The following AKR1C8 variants were observed in gnomAD, a reference collection of about 807,000 sequenced individuals.
The protein encoded by AKR1C8 is aldo-keto reductase family 1 member C-like protein 1.
At chr10:5,121,483 G>C in the AKR1C8 span, among the ~76,000 whole-genome samples, 1 of 151,988 alleles carries the variant, frequency 6.6e-6, no homozygotes, top group African/African-American at 2.4e-5. Context: ...TGAGAGTTGT[G>C]ACAGGCGAAG....
the AKR1C8 span, among the ~76,000 whole-genome samples, chr10:5,135,487 A>G: frequency 2.6e-5 from 4 of 152,028 alleles, no homozygotes; most frequent in African/African-American, 7.2e-5. Flanking sequence ...TTTTCTTACT[A>G]AAGTAAAATT....
chr10:5,179,630 T>C, the AKR1C8 span, among the ~76,000 whole-genome samples: 1 of 144,790 alleles, frequency 6.9e-6, no homozygotes, highest in African/African-American at 2.6e-5. Context: ...CAGACGTAGA[T>C]TTGGTCTTTT....
the AKR1C8 span, among the ~76,000 whole-genome samples, chr10:5,183,298 G>A: frequency 2.5e-3 from 376 of 152,184 alleles, 1 homozygote; most frequent in African/African-American, 8.6e-3. Context: ...TCCAGAGGTT[G>A]CTTTATTTGA....
the AKR1C8 span, among the ~76,000 whole-genome samples, chr10:5,142,918 T>TA: frequency 1.3e-5 from 2 of 152,048 alleles, no homozygotes; most frequent in Non-Finnish European, 2.9e-5. Context: ...ATTCCTTTTT[T>TA]AAAAAAATAC....
chr10:5,144,549 T>A, the AKR1C8 span, among the ~76,000 whole-genome samples: 6 of 151,306 alleles, frequency 4.0e-5, no homozygotes, highest in Non-Finnish European at 8.9e-5. Context: ...TTTTATTTCC[T>A]TGAGCAGTGG....
the AKR1C8 span, among the ~76,000 whole-genome samples, chr10:5,141,060 C>T: frequency 1.3e-5 from 2 of 152,118 alleles, no homozygotes; most frequent in Admixed American, 6.6e-5. Context: ...AAGTTGAAGT[C>T]AATTCTCTGT....
chr10:5,121,830 A>C, the AKR1C8 span, among the ~76,000 whole-genome samples: 3 of 152,248 alleles, frequency 2.0e-5, no homozygotes, highest in Middle Eastern at 3.4e-3. Flanking sequence ...CGTAGGACCC[A>C]GGCACAGGTA....
At chr10:5,137,875 G>T in the AKR1C8 span, among the ~76,000 whole-genome samples, 3 of 152,050 alleles carry the variant, frequency 2.0e-5, no homozygotes, top group Middle Eastern at 3.2e-3. Flanking sequence ...AAAAGGGGAG[G>T]GGGTGTAAGA....
At chr10:5,123,924 C>A in the AKR1C8 span, 1 of 1,224,738 alleles carries the variant, frequency 8.2e-7, no homozygotes, top group Admixed American at 2.8e-5. Context: ...ATATGTGTAG[C>A]ATCAAATTTG....
the AKR1C8 span, among the ~76,000 whole-genome samples, chr10:5,129,981 G>A: frequency 6.6e-6 from 1 of 151,570 alleles, no homozygotes; most frequent in African/African-American, 2.4e-5. Flanking sequence ...AAAACTATAG[G>A]CCAATATCCC....
At chr10:5,123,962 A>G in the AKR1C8 span, 1 of 925,394 alleles carries the variant, frequency 1.1e-6, no homozygotes, top group Non-Finnish European at 1.6e-6. Flanking sequence ...TCAACTAATT[A>G]TCTTTTCCAT....
At chr10:5,154,131 A>G in the AKR1C8 span, 1 of 469,346 alleles carries the variant, frequency 2.1e-6, no homozygotes, top group Non-Finnish European at 4.4e-6. Flanking sequence ...AATGTTCAAT[A>G]GCTCATGGTC....
the AKR1C8 span, chr10:5,135,269 CA>C: frequency 5.2e-6 from 1 of 193,812 alleles, no homozygotes; most frequent in African/African-American, 2.4e-5. Context: ...TTTCCTTCTT[CA>C]ACATCCAGCA....
chr10:5,136,674 A>T, the AKR1C8 span, among the ~76,000 whole-genome samples: 1 of 152,238 alleles, frequency 6.6e-6, no homozygotes, highest in South Asian at 2.1e-4. Flanking sequence ...AATGGCTTAA[A>T]TTTCCACATC....
At chr10:5,164,260 T>G in the AKR1C8 span, among the ~76,000 whole-genome samples, 35 of 152,108 alleles carry the variant, frequency 2.3e-4, no homozygotes, top group Non-Finnish European at 4.0e-4. Flanking sequence ...ACACATTCTT[T>G]CCTTTCCAGT....
the AKR1C8 span, among the ~76,000 whole-genome samples, chr10:5,174,703 C>A: frequency 6.6e-6 from 1 of 151,620 alleles, no homozygotes; most frequent in Non-Finnish European, 1.5e-5. Context: ...ATTGAGACTA[C>A]TATAAATAAA....
the AKR1C8 span, among the ~76,000 whole-genome samples, chr10:5,159,449 G>A: frequency 1.3e-5 from 2 of 152,034 alleles, no homozygotes; most frequent in Admixed American, 6.6e-5. Flanking sequence ...CCATCTGTCT[G>A]GCAGCTTCTT....
chr10:5,119,122 G>A, the AKR1C8 span, among the ~76,000 whole-genome samples: 1 of 152,056 alleles, frequency 6.6e-6, no homozygotes, highest in Non-Finnish European at 1.5e-5. Flanking sequence ...TAAACTCAAG[G>A]CATTTACATT....
the AKR1C8 span, among the ~76,000 whole-genome samples, chr10:5,172,277 C>A: frequency 6.6e-6 from 1 of 152,012 alleles, no homozygotes; most frequent in African/African-American, 2.4e-5. Flanking sequence ...TTCTGATATG[C>A]CTTAATTTTT....
Sources: gnomAD v4.1 joint callset for allele counts (sites outside exome capture counted in the v4.1 genomes callset) on GRCh38, gnomAD v4.1.1 for gene constraint, MANE v1.5 for transcripts, NCBI Gene and HGNC (gene_info 2026-07-23, HGNC 2026-07-21) for gene names.